Variants in BEND6 observed in about 807,000 individuals in gnomAD.
BEND6 encodes BEN domain containing 6, also known as BEN domain-containing protein 6.
A neutral mutation model predicts 31.8 loss-of-function variants in BEND6; 24 were observed. That is an observed-to-expected ratio of 0.75 (90% CI 0.55 to 1.06). BEND6 has a LOEUF of 1.06. BEND6 is among the 50% of genes least tolerant of loss of function. BEND6 has a pLI of 0.00. For missense variants in BEND6, 294 were observed against 327.4 expected (o/e 0.90, Z 0.79); for synonymous variants, 109 against 114.6 (o/e 0.95, Z 0.31).
intron 3 of BEND6, among the ~76,000 whole-genome samples, chr6:56,998,381 G>A (rs748871935): frequency 1.8e-4 from 28 of 152,150 alleles, no homozygotes; most frequent in Non-Finnish European, 3.1e-4. Context: ...GATGGCAAAC[G>A]TGTGTGTGCT....
chr6:56,980,688 G>C (rs927123479), intron 1 of BEND6, among the ~76,000 whole-genome samples: 5 of 152,150 alleles, frequency 3.3e-5, no homozygotes, highest in Admixed American at 3.3e-4. Context: ...TTTATGCTTA[G>C]AGTAGATCAT....
At chr6:57,003,025 T>C (rs968051528) in intron 3 of BEND6, among the ~76,000 whole-genome samples, 1 of 152,064 alleles carries the variant, frequency 6.6e-6, no homozygotes, top group Non-Finnish European at 1.5e-5. Context: ...AATGTTACAT[T>C]ACAACTGACG....
chr6:56,978,875 T>A (rs1825976657), intron 1 of BEND6, among the ~76,000 whole-genome samples: 1 of 152,194 alleles, frequency 6.6e-6, no homozygotes. Context: ...CTGAATTGAT[T>A]AAGAAATCAT....
intron 3 of BEND6, among the ~76,000 whole-genome samples, chr6:56,997,099 A>G (rs1826746198): frequency 6.6e-6 from 1 of 151,338 alleles, no homozygotes; most frequent in Admixed American, 6.6e-5. Flanking sequence ...TCTACTCTTC[A>G]TCCTCTCCTT....
At chr6:56,973,719 A>G (rs1825772429) in intron 1 of BEND6, among the ~76,000 whole-genome samples, 1 of 152,166 alleles carries the variant, frequency 6.6e-6, no homozygotes, top group African/African-American at 2.4e-5. Flanking sequence ...ACAAGCTCTC[A>G]TCATGCTACT....
At chr6:57,008,410 A>C (rs2127883241) in intron 3 of BEND6, 1 of 598,216 alleles carries the variant, frequency 1.7e-6, no homozygotes, top group East Asian at 2.8e-5. Flanking sequence ...CTATTTGCTC[A>C]ATGTCAAGGC....
chr6:56,991,651 G>A (rs147241771), intron 2 of BEND6, among the ~76,000 whole-genome samples: 1,561 of 152,154 alleles, frequency 0.01, 26 homozygotes, highest in African/African-American at 0.035. Flanking sequence ...GTGAGCCACC[G>A]CAGCCAGCCA....
chr6:57,004,609 C>G (rs970361280), intron 3 of BEND6: 1 of 1,042,028 alleles, frequency 9.6e-7, no homozygotes, highest in Non-Finnish European at 1.5e-6. Flanking sequence ...TCCAGATCAA[C>G]CTGGAGCTCT....
At chr6:56,975,818 A>C in intron 1 of BEND6, 1 of 534,570 alleles carries the variant, frequency 1.9e-6, no homozygotes, top group Non-Finnish European at 3.8e-6. Context: ...TTGTCCATTT[A>C]CTCTGTAGGC....
intron 3 of BEND6, chr6:57,004,643 C>T: frequency 1.7e-6 from 2 of 1,145,026 alleles, no homozygotes; most frequent in South Asian, 2.4e-5. Context: ...GGGCTGAATG[C>T]AATGGAGTGG....
At position 56,964,624 on chromosome 6, in the gene BEND6, C is replaced by T. The variant is rs185642404; in HGVS notation, c.-101+9164C>T. On this transcript the variant is annotated intron_variant, in intron 1 of 6. Transcript: ENST00000370746. ...TCAAGCAATCCTCCTGGCATAACCTCCCAAGTAGCTGAGACTACAAGCAGG... is the reference window on the plus strand; with the variant it reads ...TCAAGCAATCCTCCTGGCATAACCTTCCAAGTAGCTGAGACTACAAGCAGG... Among the ~76,000 whole-genome samples, 5 of 152,252 alleles carry T rather than the reference C, an allele frequency of 3.3e-5. No homozygotes were observed. In the East Asian group the frequency reaches 7.7e-4, roughly 24 times the overall value.
At chr6:56,959,160 T>TC (rs1290578333) in intron 1 of BEND6, among the ~76,000 whole-genome samples, 1 of 151,930 alleles carries the variant, frequency 6.6e-6, no homozygotes, top group Non-Finnish European at 1.5e-5. Flanking sequence ...CAATTTTGAG[T>TC]CCCCCCAACA....
intron 1 of BEND6, among the ~76,000 whole-genome samples, chr6:56,964,058 T>A (rs1233628226): frequency 6.7e-6 from 1 of 148,868 alleles, no homozygotes; most frequent in South Asian, 2.1e-4. Flanking sequence ...TTAATTAATT[T>A]ATATTATTAT....
chr6:56,968,411 C>A (rs1427248029), intron 1 of BEND6, among the ~76,000 whole-genome samples: 2 of 148,138 alleles, frequency 1.4e-5, no homozygotes, highest in African/African-American at 5.0e-5. Context: ...GCCTCAAACT[C>A]CTGGGCTCTC....
At chr6:56,959,954 T>A (rs2127836754) in intron 1 of BEND6, among the ~76,000 whole-genome samples, 1 of 152,298 alleles carries the variant, frequency 6.6e-6, no homozygotes, top group South Asian at 2.1e-4. Context: ...TCTTTTTGGG[T>A]GTGTGAGCAT....
chr6:57,002,911 TAA>T (rs1026498183), intron 3 of BEND6, among the ~76,000 whole-genome samples: 12 of 151,784 alleles, frequency 7.9e-5, no homozygotes, highest in African/African-American at 2.7e-4. Flanking sequence ...TCAATGAAAC[TAA>T]AAGTTTGTTC....
rs752357616 is a variant in BEND6 at position 56,992,425 on chromosome 6, T to C, written c.168T>C (p.Ser56=). 6.2e-7 allele frequency: 1 copy of C among 1,613,804 alleles called. No homozygotes were observed. Among genetic ancestry groups the C allele is most frequent in the African/African-American group, 1.3e-5 (1 of 75,008 alleles). ...GNAFLPGESS[S]EDEEPLAELS... ...CCTTTCTGCCTGGTGAAAGCTCCAG[T>C]GAGGATGAAGAGCCTTTAGCAGAAT... Residue 56 remains serine (S), a synonymous_variant, in exon 3 of 7, where the codon AGT becomes AGC. Coordinates refer to ENST00000370746, the MANE Select transcript of BEND6 (RefSeq NM_152731.3).
At chr6:56,973,574 TCCTC>T (rs1825767810) in intron 1 of BEND6, among the ~76,000 whole-genome samples, 2 of 152,198 alleles carry the variant, frequency 1.3e-5, no homozygotes, top group African/African-American at 4.8e-5. Context: ...AATGTGGTCT[TCCTC>T]TCTCTCAAAA....
intron 3 of BEND6, chr6:57,004,810 T>C (rs1173320003): frequency 2.5e-6 from 2 of 809,914 alleles, no homozygotes; most frequent in African/African-American, 1.7e-5. Flanking sequence ...CCAATTAGGA[T>C]TGCCTGAGCT....
Sources: gnomAD v4.1 joint callset for allele counts (sites outside exome capture counted in the v4.1 genomes callset) on GRCh38, gnomAD v4.1.1 for gene constraint, MANE v1.5 for transcripts, NCBI Gene and HGNC (gene_info 2026-07-23, HGNC 2026-07-21) for gene names.